Variants in COMMD10 observed in about 807,000 individuals in gnomAD.
COMMD10 encodes COMM domain-containing protein 10.
A neutral mutation model predicts 28.9 loss-of-function variants in COMMD10; 33 were observed. That is an observed-to-expected ratio of 1.14 (90% CI 0.87 to 1.53). COMMD10 has a LOEUF of 1.53. Ranked by LOEUF, COMMD10 falls within the 40% of genes most tolerant of loss-of-function variation. The pLI is 0.00. For synonymous variants in COMMD10, 110 were observed against 81.7 expected (o/e 1.35, Z -1.87); for missense variants, 310 against 233.4 (o/e 1.33, Z -2.14).
chr5:116,159,558 T>G (rs1752848643), intron 5 of COMMD10, among the ~76,000 whole-genome samples: 1 of 152,158 alleles, frequency 6.6e-6, no homozygotes, highest in Non-Finnish European at 1.5e-5. Flanking sequence ...CTGGACAAAG[T>G]CAGTGATGTG....
intron 5 of COMMD10, among the ~76,000 whole-genome samples, chr5:116,185,253 A>G (rs527243433): frequency 6.6e-5 from 10 of 152,140 alleles, no homozygotes; most frequent in Non-Finnish European, 1.3e-4. Flanking sequence ...AGTTTGAACA[A>G]AAATGGTCAG....
chr5:116,259,066 T>TA (rs1750368557), intron 5 of COMMD10, among the ~76,000 whole-genome samples: 1 of 149,086 alleles, frequency 6.7e-6, no homozygotes, highest in African/African-American at 2.5e-5. Flanking sequence ...CCTTTAATTT[T>TA]TTTTTTTTTT....
At chr5:116,173,209 T>G (rs142383656) in intron 5 of COMMD10, among the ~76,000 whole-genome samples, 1 of 152,234 alleles carries the variant, frequency 6.6e-6, no homozygotes, top group East Asian at 1.9e-4. Context: ...TGAAAAAAAT[T>G]GTATGAATGC....
At chr5:116,175,901 G>T (rs1398200454) in intron 5 of COMMD10, among the ~76,000 whole-genome samples, 4 of 152,062 alleles carry the variant, frequency 2.6e-5, no homozygotes, top group Non-Finnish European at 4.4e-5. Context: ...TTGTTTAATG[G>T]GTACAGAGCT....
intron 5 of COMMD10, among the ~76,000 whole-genome samples, chr5:116,195,344 G>A (rs888330355): frequency 2.6e-5 from 4 of 152,082 alleles, no homozygotes; most frequent in South Asian, 4.1e-4. Flanking sequence ...GAAATAAAGA[G>A]CATCCAAATT....
At chr5:116,230,425 T>C (rs1024948921) in intron 5 of COMMD10, among the ~76,000 whole-genome samples, 4 of 152,084 alleles carry the variant, frequency 2.6e-5, no homozygotes, top group African/African-American at 9.7e-5. Flanking sequence ...CATTTTTCTA[T>C]GCACTAGACT....
intron 5 of COMMD10, among the ~76,000 whole-genome samples, chr5:116,238,283 A>G (rs1275416093): frequency 6.6e-6 from 1 of 152,252 alleles, no homozygotes; most frequent in African/African-American, 2.4e-5. Context: ...AAAACTGCAC[A>G]TATTTACTGG....
At position 116,166,533 on chromosome 5, in the gene COMMD10, G is replaced by A. The variant is rs143594969; in HGVS notation, c.510+32355G>A. Among the ~76,000 whole-genome samples, 304 of 152,278 alleles carry A rather than the reference G, an allele frequency of 2.0e-3. 2 individuals carry two copies. Among genetic ancestry groups the A allele is most frequent in the African/African-American group, 7.0e-3 (289 of 41,572 alleles). ...CTCCTCAAGTGGGTCCCCGGCCCCC[G>A]TGCCTCCTGATGGGGTGACACCTCC... On this transcript the variant is annotated intron_variant, in intron 5 of 6. Coordinates refer to ENST00000274458, the MANE Select transcript of COMMD10 (RefSeq NM_016144.4).
intron 4 of COMMD10, among the ~76,000 whole-genome samples, chr5:116,095,191 C>T (rs1750428303): frequency 6.6e-6 from 1 of 152,106 alleles, no homozygotes; most frequent in African/African-American, 2.4e-5. Context: ...GTTCTGAACA[C>T]ACACAAATGA....
chr5:116,085,034 C>A lies in COMMD10; in HGVS notation c.-19C>A. 1 of 1,604,128 alleles carries A rather than the reference C, an allele frequency of 6.2e-7. No homozygotes were observed. On this transcript the variant is annotated 5_prime_UTR_variant, in exon 1 of 7. Transcript: ENST00000274458. ...GTTCGGCGCAGCTAACAGACGGCGG[C>A]AGTGCGAGAAAGCCGAAGATGGCGG...
At position 116,134,198 on chromosome 5, in the gene COMMD10, T is replaced by G. The variant is rs767936583; in HGVS notation, c.510+20T>G. 7 of 1,350,176 alleles carry G rather than the reference T, an allele frequency of 5.2e-6. No individual in the cohort carries two copies. In the South Asian group the frequency reaches 7.0e-5, roughly 14 times the overall value. 83.6% of individuals were successfully genotyped at this position (1,350,176 alleles called of 1,614,324 possible). A position where few individuals can be genotyped will look rare whatever the true frequency, so the allele number is the denominator to read the frequency against. ...TCAAAGGTAAGAAATGGTATCCCAT[T>G]AAAAGGATGTATTTTGTTTGTTAGG... is the stretch of plus-strand genomic sequence containing the variant. On this transcript the variant is annotated intron_variant, in intron 5 of 6. Transcript: ENST00000274458.
intron 5 of COMMD10, among the ~76,000 whole-genome samples, chr5:116,177,698 C>T (rs1459639517): frequency 6.6e-6 from 1 of 152,112 alleles, no homozygotes; most frequent in African/African-American, 2.4e-5. Context: ...TGTCCCTTCT[C>T]TTCTCCCTTA....
At chr5:116,212,503 T>TGTGTGTGTGTGTGG (rs1748992670) in intron 5 of COMMD10, among the ~76,000 whole-genome samples, 1 of 143,842 alleles carries the variant, frequency 7.0e-6, no homozygotes, top group Admixed American at 7.4e-5. Flanking sequence ...ATGCTGTGTG[T>TGTGTGTGTGTGTGG]GTGTGTGTGT....
chr5:116,270,289 A>G (rs999540116), intron 5 of COMMD10, among the ~76,000 whole-genome samples: 1 of 151,886 alleles, frequency 6.6e-6, no homozygotes, highest in Non-Finnish European at 1.5e-5. Context: ...TGTTATATTC[A>G]TGTATTAGTT....
chr5:116,155,668 A>T (rs551380181), intron 5 of COMMD10, among the ~76,000 whole-genome samples: 2 of 152,168 alleles, frequency 1.3e-5, no homozygotes, highest in Admixed American at 6.6e-5. Context: ...GAATTCTAAC[A>T]TAGTTGTTTT....
chr5:116,225,724 C>G (rs1454599635), intron 5 of COMMD10, among the ~76,000 whole-genome samples: 10 of 152,022 alleles, frequency 6.6e-5, no homozygotes, highest in Non-Finnish European at 1.5e-4. Context: ...TCAAGCCTGT[C>G]TAGATTCATC....
chr5:116,272,181 T>C (rs1268122031), intron 5 of COMMD10, among the ~76,000 whole-genome samples: 1 of 151,898 alleles, frequency 6.6e-6, no homozygotes, highest in Non-Finnish European at 1.5e-5. Flanking sequence ...TCTTTTGGAA[T>C]TGAGGAATTT....
Position 116,085,032 on chromosome 5 carries a change from G to T in COMMD10, c.-21G>T. 2 of 1,603,414 alleles carry T rather than the reference G, an allele frequency of 1.2e-6. No individual in the cohort carries two copies. The highest frequency in any genetic ancestry group is 8.5e-7 in the Non-Finnish European group (1 of 1,176,846). On this transcript the variant is annotated 5_prime_UTR_variant, in exon 1 of 7. Coordinates refer to ENST00000274458, the MANE Select transcript of COMMD10 (RefSeq NM_016144.4). Reference sequence around the variant, plus strand: ...GGGTTCGGCGCAGCTAACAGACGGCGGCAGTGCGAGAAAGCCGAAGATGGC... The same window carrying T: ...GGGTTCGGCGCAGCTAACAGACGGCTGCAGTGCGAGAAAGCCGAAGATGGC...
At chr5:116,162,413 T>C (rs1350600247) in intron 5 of COMMD10, among the ~76,000 whole-genome samples, 2 of 152,170 alleles carry the variant, frequency 1.3e-5, no homozygotes, top group East Asian at 3.9e-4. Flanking sequence ...AATTTATAGA[T>C]AGCTTTGTGA....
Sources: gnomAD v4.1 joint callset for allele counts (sites outside exome capture counted in the v4.1 genomes callset) on GRCh38, gnomAD v4.1.1 for gene constraint, MANE v1.5 for transcripts, NCBI Gene and HGNC (gene_info 2026-07-23, HGNC 2026-07-21) for gene names.